Variants in SOX5 observed in about 807,000 individuals in gnomAD.
SOX5 encodes transcription factor SOX-5.
In SOX5, 9 loss-of-function variants were observed where a neutral mutation model predicts 92.0. That is an observed-to-expected ratio of 0.10 (90% CI 0.06 to 0.17). The LOEUF (loss-of-function observed/expected upper bound fraction) is 0.17, where lower values mean the gene tolerates loss of function less well. SOX5 is among the 10% of genes least tolerant of loss of function. The pLI, the probability that SOX5 is intolerant of heterozygous loss-of-function variation, is 1.00. For synonymous variants in SOX5, 344 were observed against 336.3 expected (o/e 1.02, Z -0.25); for missense variants, 642 against 944.5 (o/e 0.68, Z 4.20).
chr12:24,267,332 A>G (rs562920455), intron 3 of SOX5, among the ~76,000 whole-genome samples: 2 of 152,354 alleles, frequency 1.3e-5, no homozygotes, highest in South Asian at 4.1e-4. Context: ...ATATCATAGA[A>G]TATTATAAAA....
intron 1 of SOX5, among the ~76,000 whole-genome samples, chr12:24,529,672 C>T (rs920147228): frequency 3.9e-5 from 6 of 152,272 alleles, no homozygotes; most frequent in Middle Eastern, 3.4e-3. Context: ...AAAAGCAGAC[C>T]TTGTAATTTT....
At chr12:24,199,536 G>T (rs1957324301) in intron 4 of SOX5, among the ~76,000 whole-genome samples, 1 of 152,174 alleles carries the variant, frequency 6.6e-6, no homozygotes, top group Non-Finnish European at 1.5e-5. Context: ...AAATCAGGGG[G>T]AGAAGTTCAA....
intron 3 of SOX5, among the ~76,000 whole-genome samples, chr12:24,273,034 A>G (rs976836300): frequency 3.9e-5 from 6 of 152,188 alleles, no homozygotes; most frequent in African/African-American, 1.4e-4. Flanking sequence ...GGAGTTTGAG[A>G]CCAGCCTGGC....
chr12:24,480,586 A>T (rs1163814310), intron 1 of SOX5, among the ~76,000 whole-genome samples: 2 of 152,208 alleles, frequency 1.3e-5, no homozygotes, highest in Non-Finnish European at 2.9e-5. Flanking sequence ...AATCTGATTT[A>T]AAATGGGCAA....
At chr12:23,836,009 T>C (rs1285173643) in intron 3 of SOX5, among the ~76,000 whole-genome samples, 1 of 151,858 alleles carries the variant, frequency 6.6e-6, no homozygotes, top group African/African-American at 2.4e-5. Context: ...AAGCATTTTA[T>C]ATAAATTATT....
intron 4 of SOX5, among the ~76,000 whole-genome samples, chr12:24,039,773 A>C (rs11047223): frequency 0.37 from 56,250 of 151,978 alleles, 10,707 homozygotes; most frequent in Middle Eastern, 0.48. Flanking sequence ...AAGTACCAGG[A>C]GTATAGTTTA....
intron 1 of SOX5, among the ~76,000 whole-genome samples, chr12:24,518,493 C>A (rs1949990984): frequency 6.6e-6 from 1 of 152,106 alleles, no homozygotes; most frequent in African/African-American, 2.4e-5. Flanking sequence ...GGTCATTTTT[C>A]TTTCCTTCAG....
At chr12:23,929,437 C>A (rs1273164297) in intron 1 of SOX5, among the ~76,000 whole-genome samples, 1 of 151,826 alleles carries the variant, frequency 6.6e-6, no homozygotes, top group Non-Finnish European at 1.5e-5. Context: ...ATCAGCTAGC[C>A]AATTACATTC....
intron 4 of SOX5, among the ~76,000 whole-genome samples, chr12:24,027,306 C>G (rs1248248298): frequency 6.6e-6 from 1 of 151,954 alleles, no homozygotes; most frequent in Non-Finnish European, 1.5e-5. Context: ...CAGATCTGCT[C>G]TCCTGACTCT....
At chr12:23,755,108 A>G (rs1277250376) in intron 4 of SOX5, among the ~76,000 whole-genome samples, 1 of 151,846 alleles carries the variant, frequency 6.6e-6, no homozygotes, top group East Asian at 1.9e-4. Context: ...TTATTAAGAT[A>G]TGAATAGTTT....
chr12:24,268,202 A>G (rs1322178939), intron 3 of SOX5, among the ~76,000 whole-genome samples: 2 of 152,210 alleles, frequency 1.3e-5, no homozygotes, highest in East Asian at 1.9e-4. Flanking sequence ...CACCCAGAAA[A>G]TAAGTCTAAT....
intron 1 of SOX5, among the ~76,000 whole-genome samples, chr12:24,374,180 T>G (rs1957011281): frequency 6.6e-6 from 1 of 152,046 alleles, no homozygotes; most frequent in Non-Finnish European, 1.5e-5. Flanking sequence ...GTATTAATAT[T>G]TGGCTTCCAG....
intron 9 of SOX5, among the ~76,000 whole-genome samples, chr12:23,602,732 A>T (rs1224430634): frequency 6.6e-6 from 1 of 152,128 alleles, no homozygotes; most frequent in East Asian, 1.9e-4. Flanking sequence ...ATGCTGCTAC[A>T]GCTATTTATT....
chr12:24,005,437 T>C (rs1443381366), intron 4 of SOX5, among the ~76,000 whole-genome samples: 1 of 152,182 alleles, frequency 6.6e-6, no homozygotes, highest in Admixed American at 6.5e-5. Context: ...CACATTCTAA[T>C]GCAAGTTGTA....
intron 6 of SOX5, among the ~76,000 whole-genome samples, chr12:23,706,668 A>T (rs966495801): frequency 1.3e-4 from 20 of 152,078 alleles, no homozygotes; most frequent in Non-Finnish European, 7.4e-5. Flanking sequence ...GTTAAAACAC[A>T]TAAGTCAATA....
At chr12:24,530,047 A>G (rs1951055296) in intron 1 of SOX5, among the ~76,000 whole-genome samples, 1 of 151,156 alleles carries the variant, frequency 6.6e-6, no homozygotes, top group African/African-American at 2.4e-5. Flanking sequence ...AAAAAGCCGT[A>G]CAAGTAGGAC....
In SOX5 at chr12:23,591,393, G is replaced by A. The variant is rs549271956; in HGVS notation, c.1164+12994C>T. 8.5e-5 allele frequency among the ~76,000 whole-genome samples: 13 copies of A among 152,158 alleles called. No individual in the cohort carries two copies. In the South Asian group the frequency reaches 1.9e-3, roughly 22 times the overall value. Reference sequence around the variant, plus strand: ...CTTAAAATTCAATAAGATAGAAGATGTTTCTAATGTGGTCCATCCTATAGA... The same window carrying A: ...CTTAAAATTCAATAAGATAGAAGATATTTCTAATGTGGTCCATCCTATAGA... On this transcript the variant is annotated intron_variant, in intron 9 of 14. Transcript: ENST00000451604.
chr12:23,914,173 A>G (rs143237629), intron 1 of SOX5, among the ~76,000 whole-genome samples: 32 of 152,348 alleles, frequency 2.1e-4, no homozygotes, highest in African/African-American at 7.5e-4. Flanking sequence ...TGCTCACTGT[A>G]TAATGAAGTC....
At chr12:23,820,303 C>T (rs1396789942) in intron 3 of SOX5, among the ~76,000 whole-genome samples, 2 of 152,006 alleles carry the variant, frequency 1.3e-5, no homozygotes, top group African/African-American at 4.8e-5. Flanking sequence ...GTTTAAGTTC[C>T]TTGTAGATTC....
Sources: gnomAD v4.1 joint callset for allele counts (sites outside exome capture counted in the v4.1 genomes callset) on GRCh38, gnomAD v4.1.1 for gene constraint, MANE v1.5 for transcripts, NCBI Gene and HGNC (gene_info 2026-07-23, HGNC 2026-07-21) for gene names.